The following ITPR3 variants were observed in gnomAD, a reference collection of about 807,000 sequenced individuals.
ITPR3 encodes the protein inositol 1,4,5-trisphosphate receptor type 3.
ITPR3 carries 173 observed loss-of-function variants against 293.2 expected under a neutral mutation model. That is an observed-to-expected ratio of 0.59 (90% CI 0.52 to 0.67). The LOEUF (loss-of-function observed/expected upper bound fraction) is 0.67, where lower values mean the gene tolerates loss of function less well. Among genes scored for constraint, ITPR3 ranks in the 30% least tolerant of loss-of-function variants. The pLI, the probability that ITPR3 is intolerant of heterozygous loss-of-function variation, is 0.00. For missense variants in ITPR3, 2,796 were observed against 3,592.1 expected (o/e 0.78, Z 5.66); for synonymous variants, 1,295 against 1,444.4 (o/e 0.90, Z 2.35).
rs1372670040 is a variant in ITPR3 at position 33,665,169 on chromosome 6, C to G, written c.1365C>G (p.Ala455=). The change falls in exon 13 of 58, where the codon GCC becomes GCG. Residue 455 remains alanine, a synonymous_variant. Transcript: ENST00000605930. ...ACGCCAGCTCCATGCTGGCCAGTGC[C>G]GTGGAGAAACTCAACGAGGGCTTCA... ...ANDASSMLAS[A]VEKLNEGFIS... is the part of the protein sequence containing the mutation. 2 of 1,614,162 alleles carry G rather than the reference C, an allele frequency of 1.2e-6. No individual in the cohort carries two copies. Among genetic ancestry groups the G allele is most frequent in the Non-Finnish European group, 1.7e-6 (2 of 1,180,030 alleles).
At chr6:33,636,287 G>A (rs527326989) in intron 1 of ITPR3, among the ~76,000 whole-genome samples, 69 of 152,072 alleles carry the variant, frequency 4.5e-4, no homozygotes, top group African/African-American at 1.6e-3. Context: ...GGGTGACAGA[G>A]TAAGACTCTG....
In ITPR3 at chr6:33,655,626, A is replaced by G; in HGVS notation, c.161-140A>G. 8.8e-7 allele frequency: 1 copy of G among 1,131,868 alleles called. No homozygotes were observed. The highest frequency in any genetic ancestry group is 1.2e-6 in the Non-Finnish European group (1 of 801,304). The allele number at this position is 1,131,868 out of a possible 1,614,324, so 70.1% of individuals were successfully genotyped here. The stretch of plus-strand genomic sequence containing the variant: ...CTCCAAATTCTGTGAGGTTCTTCCA[A>G]CCGCTTCCTCTCTACCTGCAGCGGG... On this transcript the variant is annotated intron_variant, in intron 2 of 57. Transcript: ENST00000605930. The surrounding 1 kb of genome is among the most constrained non-coding windows in gnomAD (Gnocchi z 4.9).
Position 33,691,060 on chromosome 6 carries a change from G to A in ITPR3, c.7176G>A (p.Lys2392=), listed in dbSNP as rs879650977. The A allele has an allele frequency of 9.9e-6, 16 of 1,614,158 alleles. No homozygotes were observed. The highest frequency in any genetic ancestry group is 1.4e-5 in the Non-Finnish European group (16 of 1,180,030). ...LFSIVGFLFL[K]DDFILEVDRL... ...CCATCGTCGGCTTCCTCTTCCTCAA[G>A]GATGACTTCATTCTCGAGGTCGACC... Residue 2392 remains lysine (K), a synonymous_variant, in exon 52 of 58, where the codon AAG becomes AAA. Coordinates refer to ENST00000605930, the MANE Select transcript of ITPR3 (RefSeq NM_002224.4). This position sits in a 1 kb window ranked among gnomAD's most constrained non-coding sequence, Gnocchi z 4.9.
chr6:33,669,851 C>T (rs1054235035), intron 18 of ITPR3, among the ~76,000 whole-genome samples: 3 of 152,202 alleles, frequency 2.0e-5, no homozygotes, highest in African/African-American at 7.2e-5. Context: ...GGCTCCAGAG[C>T]CCCCAGGAAG....
Position 33,686,426 on chromosome 6 carries a change from C to T in ITPR3, c.5886C>T (p.His1962=), listed in dbSNP as rs145776727. The T allele has an allele frequency of 9.7e-5, 156 of 1,614,014 alleles. No homozygotes were observed. In the African/African-American group the frequency reaches 1.4e-3, roughly 15 times the overall value. Residue 1962 remains histidine, a synonymous_variant, in exon 43 of 58, where the codon CAC becomes CAT. Transcript: ENST00000605930. ...CCTGCCAGACTTGCATTGTGACTCA[C>T]GAGTCCAATGGCATAGACATCATCA... ...CHENQTCIVT[H]ESNGIDIITA... is the part of the protein sequence containing the mutation.
At chr6:33,660,075 G>A (rs1200730962) in intron 7 of ITPR3, among the ~76,000 whole-genome samples, 1 of 152,186 alleles carries the variant, frequency 6.6e-6, no homozygotes, top group Non-Finnish European at 1.5e-5. Context: ...ATCCAGGACT[G>A]AGGGCAGAGG....
At chr6:33,668,486 C>T (rs1237803880) in intron 16 of ITPR3, 29 bp from the exon 17 acceptor site, 1 of 1,613,980 alleles carries the variant, frequency 6.2e-7, no homozygotes, top group Non-Finnish European at 8.5e-7. Context: ...CTGAGACCCT[C>T]TTCCCACCGC....
Position 33,692,641 on chromosome 6 carries a change from C to T in ITPR3, c.7459-87C>T, listed in dbSNP as rs376103263. 2.8e-4 allele frequency: 385 copies of T among 1,374,028 alleles called. No individual in the cohort carries two copies. The highest frequency in any genetic ancestry group is 4.3e-4 in the African/African-American group (30 of 69,616). The allele number at this position is 1,374,028 out of a possible 1,614,324, so 85.1% of individuals were successfully genotyped here. A position where few individuals can be genotyped will look rare whatever the true frequency, so the allele number is the denominator to read the frequency against. ...CTGCTAGGGGCTGGGTCCTCAATAT[C>T]ACAGCCCTGGCCCCAACCTGAGTCC... On this transcript the variant is annotated intron_variant, in intron 54 of 57. Coordinates refer to ENST00000605930, the MANE Select transcript of ITPR3 (RefSeq NM_002224.4). This position sits in a 1 kb window ranked among gnomAD's most constrained non-coding sequence, Gnocchi z 4.2.
In ITPR3 at chr6:33,672,968, G is replaced by A. The variant is rs1390240588; in HGVS notation, c.2929-623G>A. On this transcript the variant is annotated intron_variant, in intron 22 of 57. Transcript: ENST00000605930. This position sits in a 1 kb window ranked among gnomAD's most constrained non-coding sequence, Gnocchi z 5.0. ...CTGTCACCGGAGGGCAGGAAGGGTA[G>A]TGCAGTGACCTCCGTGGGGGACCTC... Among the ~76,000 whole-genome samples the A allele has an allele frequency of 6.6e-6, 1 of 152,218 alleles. No homozygotes were observed. The highest frequency in any genetic ancestry group is 2.4e-5 in the African/African-American group (1 of 41,462).
chr6:33,677,149 C>G lies in ITPR3; in HGVS notation c.3522+60C>G. 4 of 1,480,010 alleles carry G rather than the reference C, an allele frequency of 2.7e-6. No individual in the cohort carries two copies. In the Admixed American group the frequency reaches 5.1e-5, roughly 19 times the overall value. The allele number at this position is 1,480,010 out of a possible 1,614,324, so 91.7% of individuals were successfully genotyped here. On this transcript the variant is annotated intron_variant, in intron 27 of 57. Transcript: ENST00000605930. ...CAGCCCCAGTGGTCCTGGGGGCTCC[C>G]GCTGGCCCGGCCCCCTGTGCCTCTC...
rs1198551722 is a variant in ITPR3, at chr6:33,667,423, C to G, written c.1713+133C>G. The G allele has an allele frequency of 8.2e-7, 1 of 1,215,786 alleles. No homozygotes were observed. The highest frequency in any genetic ancestry group is 1.1e-6 in the Non-Finnish European group (1 of 892,238). 75.3% of individuals were successfully genotyped at this position (1,215,786 alleles called of 1,614,324 possible). ...CCAGTAGGGCACCAGACAGCAGGGC[C>G]GGGTTCATGGGAATGGGACCTGGCC... On this transcript the variant is annotated intron_variant, in intron 15 of 57. Transcript: ENST00000605930. The surrounding 1 kb of genome is among the most constrained non-coding windows in gnomAD (Gnocchi z 4.4).
In ITPR3 at chr6:33,683,953, G is replaced by A. The variant is rs73408274; in HGVS notation, c.4789-67G>A. On this transcript the variant is annotated intron_variant, in intron 35 of 57. Coordinates refer to ENST00000605930, the MANE Select transcript of ITPR3 (RefSeq NM_002224.4). This position sits in a 1 kb window ranked among gnomAD's most constrained non-coding sequence, Gnocchi z 4.5. ...TGTGGGGCTGTTTGGCGTTTGGGTC[G>A]GAGGAATGGCAGTCACACCCGGGTC... 14,241 of 1,526,412 alleles carry A rather than the reference G, an allele frequency of 9.3e-3. 660 individuals are homozygous for A. The African/African-American group carries it at 0.13, about 14-fold the overall frequency. The allele number at this position is 1,526,412 out of a possible 1,614,324, so 94.6% of individuals were successfully genotyped here.
At chr6:33,643,006 G>T (rs75153895) in intron 2 of ITPR3, among the ~76,000 whole-genome samples, 2,471 of 152,310 alleles carry the variant, frequency 0.016, 74 homozygotes, top group African/African-American at 0.053. Flanking sequence ...TTAGAATGTG[G>T]GATGAGAGAC....
At chr6:33,681,783 G>A (rs988935638) in intron 33 of ITPR3, among the ~76,000 whole-genome samples, 3 of 152,130 alleles carry the variant, frequency 2.0e-5, no homozygotes, top group African/African-American at 7.2e-5. Context: ...CCCTGGGATC[G>A]CATTGGGACG....
chr6:33,685,499 T>C lies in ITPR3; in HGVS notation c.5448T>C (p.His1816=), dbSNP rs574057354. Residue 1816 remains histidine (H), a synonymous_variant, in exon 40 of 58, where the codon CAT becomes CAC. Transcript: ENST00000605930. ...TGAATGACCTGGGCAGCCAGCCACA[T>C]GAGGACCGCGAGCCAGTCGACCCCA... ...VNMNDLGSQP[H]EDREPVDPTT... is the part of the protein sequence containing the mutation. The C allele has an allele frequency of 1.9e-6, 3 of 1,612,874 alleles. No individual in the cohort carries two copies. The highest frequency in any genetic ancestry group is 4.5e-5 in the East Asian group (2 of 44,830).
chr6:33,622,259 C>T (rs1763455627), intron 1 of ITPR3, among the ~76,000 whole-genome samples: 1 of 152,202 alleles, frequency 6.6e-6, no homozygotes, highest in South Asian at 2.1e-4. Flanking sequence ...CCCTTCTCCC[C>T]GCCTCTCCCA....
At chr6:33,641,350 G>A (rs972963707) in intron 2 of ITPR3, among the ~76,000 whole-genome samples, 3 of 152,210 alleles carry the variant, frequency 2.0e-5, no homozygotes, top group African/African-American at 7.2e-5. Context: ...CACCAAGTCT[G>A]CCCGCGTGGC....
chr6:33,660,110 A>G (rs1764424178), intron 7 of ITPR3, among the ~76,000 whole-genome samples: 2 of 152,118 alleles, frequency 1.3e-5, no homozygotes, highest in Admixed American at 1.3e-4. Flanking sequence ...CACCAGAGAG[A>G]CCATTCAAGA....
intron 1 of ITPR3, among the ~76,000 whole-genome samples, chr6:33,637,376 G>A (rs1582105333): frequency 1.3e-5 from 2 of 152,222 alleles, no homozygotes; most frequent in Non-Finnish European, 1.5e-5. Context: ...TGGAGCAGGA[G>A]ATACAGAGCT....
Sources: allele counts gnomAD v4.1 joint callset (sites outside exome capture counted in the v4.1 genomes callset), GRCh38; gene constraint gnomAD v4.1.1; non-coding constraint Gnocchi (gnomAD v3.1); transcripts MANE v1.5; gene names NCBI Gene and HGNC (gene_info 2026-07-23, HGNC 2026-07-21).